Variants in OCA2 observed in about 807,000 individuals in gnomAD.
OCA2 encodes the protein P protein.
Under a neutral mutation model 100.2 loss-of-function variants are expected in OCA2, and 77 were observed. The observed-to-expected ratio is 0.77, with a 90% CI of 0.64 to 0.93. OCA2 has a LOEUF of 0.93. OCA2 is among the 40% of genes least tolerant of loss of function. The pLI is 0.00. For missense variants in OCA2, 1,062 were observed against 1,089.1 expected, an observed-to-expected ratio of 0.98 and a Z score of 0.35; for synonymous variants, 432 against 439.2, an observed-to-expected ratio of 0.98 and a Z score of 0.21.
chr15:28,079,372 C>T (rs1478836004), intron 2 of OCA2, among the ~76,000 whole-genome samples: 1 of 151,614 alleles, frequency 6.6e-6, no homozygotes, highest in African/African-American at 2.4e-5. Flanking sequence ...TCTTCAGTAA[C>T]CTTTAGCCTG....
chr15:27,959,009 A>T (rs2140724797), intron 15 of OCA2, among the ~76,000 whole-genome samples: 1 of 152,236 alleles, frequency 6.6e-6, no homozygotes, highest in East Asian at 1.9e-4. Flanking sequence ...AGTGCTCATC[A>T]CCCACTGCGT....
intron 23 of OCA2, among the ~76,000 whole-genome samples, chr15:27,784,513 A>G (rs746160109): frequency 6.6e-6 from 1 of 152,240 alleles, no homozygotes; most frequent in Non-Finnish European, 1.5e-5. Flanking sequence ...TAATGCAACC[A>G]ATGAAACCAG....
chr15:28,019,965 G>A (rs1015967693), intron 6 of OCA2, among the ~76,000 whole-genome samples: 7 of 152,276 alleles, frequency 4.6e-5, no homozygotes, highest in Admixed American at 2.0e-4. Context: ...CCTGCTGGAG[G>A]CTCAAATCAA....
intron 14 of OCA2, among the ~76,000 whole-genome samples, chr15:27,973,489 G>GT: frequency 1.3e-5 from 2 of 152,240 alleles, no homozygotes; most frequent in Middle Eastern, 3.4e-3. Flanking sequence ...TCAGTTGGTT[G>GT]TAAGTATTTG....
chr15:27,747,068 C>T, the OCA2 span, among the ~76,000 whole-genome samples: 2 of 152,224 alleles, frequency 1.3e-5, no homozygotes, highest in African/African-American at 4.8e-5. Flanking sequence ...GTCTCCTCCA[C>T]TTGAAAATTA....
At chr15:28,058,886 C>T (rs990657294) in intron 2 of OCA2, among the ~76,000 whole-genome samples, 4 of 152,100 alleles carry the variant, frequency 2.6e-5, no homozygotes, top group African/African-American at 9.7e-5. Context: ...AGCCTGTGGT[C>T]CAGGGCCTGG....
intron 23 of OCA2, among the ~76,000 whole-genome samples, chr15:27,831,306 A>AAAAAAAAAAC (rs398026675): frequency 6.6e-6 from 1 of 150,924 alleles, no homozygotes; most frequent in East Asian, 1.9e-4. Context: ...AAAAAAAAAA[A>AAAAAAAAAAC]TCGGTCTGAG....
intron 3 of OCA2, 144 bp downstream of exon 3, chr15:28,031,921 T>G: frequency 2.7e-6 from 2 of 732,280 alleles, no homozygotes; most frequent in Non-Finnish European, 5.0e-6. Flanking sequence ...ACCGGAATCA[T>G]GAACATCTAC....
intron 7 of OCA2, among the ~76,000 whole-genome samples, chr15:28,017,137 A>G (rs2042422790): frequency 6.6e-6 from 1 of 152,132 alleles, no homozygotes; most frequent in African/African-American, 2.4e-5. Context: ...TGAAAATAGG[A>G]TCTCTGAAAC....
rs1595838167 is a variant in OCA2 at position 28,021,868 on chromosome 15, C to T, written c.646+633G>A. On this transcript the variant is annotated intron_variant, in intron 6 of 23. Coordinates refer to ENST00000354638, the MANE Select transcript of OCA2 (RefSeq NM_000275.3). ...TGGGCATAGAGCAAGGTCTGGCAGA[C>T]AGCTGGCAGGGCGCCCGGTAATTCT... is the stretch of plus-strand genomic sequence containing the variant. Among the ~76,000 whole-genome samples the T allele has an allele frequency of 2.0e-5, 3 of 152,302 alleles. No homozygotes were observed. The South Asian group carries it at 6.2e-4, about 32-fold the overall frequency.
At chr15:27,898,733 TC>T (rs2037808746) in intron 19 of OCA2, among the ~76,000 whole-genome samples, 1 of 152,210 alleles carries the variant, frequency 6.6e-6, no homozygotes, top group Non-Finnish European at 1.5e-5. Flanking sequence ...TGTTGTGACT[TC>T]CAGTGTTTTC....
At chr15:27,978,432 G>A (rs2041037907) in intron 14 of OCA2, among the ~76,000 whole-genome samples, 1 of 152,128 alleles carries the variant, frequency 6.6e-6, no homozygotes, top group Non-Finnish European at 1.5e-5. Context: ...TATTCCTCCT[G>A]CAGTACTATC....
At position 28,041,730 on chromosome 15, in the gene OCA2, T is replaced by G. The variant is rs545515662; in HGVS notation, c.228-9567A>C. Among the ~76,000 whole-genome samples, 30 of 152,308 alleles carry G rather than the reference T, an allele frequency of 2.0e-4. No individual in the cohort carries two copies. In the South Asian group the frequency reaches 2.3e-3, roughly 12 times the overall value. On this transcript the variant is annotated intron_variant, in intron 2 of 23. Transcript: ENST00000354638. ...ATTCACACAATGGAATTTCACACAA[T>G]AGTGGAAATAAATGAACTACAGCTA...
chr15:27,994,542 G>A (rs889055563), intron 9 of OCA2, among the ~76,000 whole-genome samples: 3 of 152,108 alleles, frequency 2.0e-5, no homozygotes, highest in Non-Finnish European at 2.9e-5. Context: ...CCCAGCCACC[G>A]TTCTATCACT....
At chr15:28,082,352 T>G (rs2044668395) in intron 1 of OCA2, among the ~76,000 whole-genome samples, 1 of 152,188 alleles carries the variant, frequency 6.6e-6, no homozygotes, top group Admixed American at 6.5e-5. Flanking sequence ...GTTTTCACAG[T>G]AAATCTTGCT....
the OCA2 span, among the ~76,000 whole-genome samples, chr15:27,723,620 G>A: frequency 2.6e-5 from 4 of 152,152 alleles, no homozygotes; most frequent in Non-Finnish European, 5.9e-5. Flanking sequence ...CAAGAGGGGC[G>A]TAGCTGACTT....
At chr15:27,857,571 G>A (rs145254571) in intron 21 of OCA2, among the ~76,000 whole-genome samples, 313 of 152,188 alleles carry the variant, frequency 2.1e-3, no homozygotes, top group Non-Finnish European at 3.4e-3. Context: ...TATGTTACAT[G>A]TGTTTTACCA....
At chr15:27,933,023 A>G (rs535603445) in intron 18 of OCA2, among the ~76,000 whole-genome samples, 1 of 152,310 alleles carries the variant, frequency 6.6e-6, no homozygotes, top group Non-Finnish European at 1.5e-5. Context: ...CCCCGAAATA[A>G]ACACGTATGC....
intron 23 of OCA2, among the ~76,000 whole-genome samples, chr15:27,762,926 C>G (rs1302576401): frequency 6.6e-6 from 1 of 152,200 alleles, no homozygotes; most frequent in South Asian, 2.1e-4. Context: ...AGTTATTTCA[C>G]TTAAGAAAAG....
Sources: allele counts gnomAD v4.1 joint callset (sites outside exome capture counted in the v4.1 genomes callset), GRCh38; gene constraint gnomAD v4.1.1; transcripts MANE v1.5; gene names NCBI Gene and HGNC (gene_info 2026-07-23, HGNC 2026-07-21).